EIF5B: variants seen among roughly 807,000 people sequenced by gnomAD.
EIF5B encodes eukaryotic translation initiation factor 5B.
EIF5B carries 47 observed loss-of-function variants against 147.5 expected under a neutral mutation model. The ratio of observed to expected loss-of-function variants is 0.32; its 90% CI spans 0.25 to 0.41. The LOEUF is 0.41. Ranked by LOEUF, EIF5B falls within the 10% of genes least tolerant of loss-of-function variation. EIF5B has a pLI of 1.00. For synonymous variants in EIF5B, 455 were observed against 456.2 expected, an observed-to-expected ratio of 1.00 and a Z score of 0.03; for missense variants, 1,064 against 1,413.2, an observed-to-expected ratio of 0.75 and a Z score of 3.96.
Position 99,382,086 on chromosome 2 carries a change from A to G in EIF5B, c.2062-73A>G, listed in dbSNP as rs1487884694. 6.7e-6 allele frequency: 9 copies of G among 1,338,782 alleles called. No individual in the cohort carries two copies. The East Asian group carries it at 2.1e-4, about 31-fold the overall frequency. The allele number at this position is 1,338,782 out of a possible 1,614,324, so 82.9% of individuals were successfully genotyped here. On this transcript the variant is annotated intron_variant, in intron 12 of 23. Transcript: ENST00000289371. ...AGTGATACTTTCAGAGTTTTATGGC[A>G]AAAGGATTGTTCTGTAAAGAAGCTT... is the stretch of plus-strand genomic sequence containing the variant.
intron 1 of EIF5B, among the ~76,000 whole-genome samples, chr2:99,346,616 T>TTTTTG (rs5832871): frequency 7.4e-6 from 1 of 135,378 alleles, no homozygotes; most frequent in African/African-American, 2.9e-5. Flanking sequence ...TTTTTTTTTT[T>TTTTTG]GAGAAGGTGT....
chr2:99,397,112 G>C lies in EIF5B; in HGVS notation c.3393+214G>C, dbSNP rs74719849. ...CAAGCAGAGCCTGTCACCTTCTGTT[G>C]TGCTTCAGTATTGGTAAATATCAGT... On this transcript the variant is annotated intron_variant, in intron 22 of 23. Coordinates refer to ENST00000289371, the MANE Select transcript of EIF5B (RefSeq NM_015904.4). 5.6e-3 allele frequency: 2,369 copies of C among 425,116 alleles called. 14 individuals carry two copies. The highest frequency in any genetic ancestry group is 8.2e-3 in the Non-Finnish European group (2,045 of 248,700). The allele number at this position is 425,116 out of a possible 1,614,324, so 26.3% of individuals were successfully genotyped here. A position where few individuals can be genotyped will look rare whatever the true frequency, so the allele number is the denominator to read the frequency against.
chr2:99,372,177 T>G (rs1248859867), intron 9 of EIF5B, among the ~76,000 whole-genome samples: 1 of 152,222 alleles, frequency 6.6e-6, no homozygotes, highest in African/African-American at 2.4e-5. Context: ...AACTTACTGA[T>G]AATGATATCT....
intron 13 of EIF5B, 94 bp from the exon 14 acceptor site, chr2:99,382,686 A>C: frequency 1.6e-6 from 2 of 1,250,640 alleles, no homozygotes; most frequent in Non-Finnish European, 1.1e-6. Context: ...CATATACTCT[A>C]TTTTGTTTGG....
At position 99,371,669 on chromosome 2, in the gene EIF5B, T is replaced by C. The variant is rs775616819; in HGVS notation, c.1491T>C (p.Asp497=). 6.2e-7 allele frequency: 1 copy of C among 1,612,574 alleles called. No individual in the cohort carries two copies. The highest frequency in any genetic ancestry group is 1.1e-5 in the South Asian group (1 of 90,654). The change falls in exon 9 of 24, where the codon GAT becomes GAC. Residue 497 remains aspartate, a synonymous_variant. Coordinates refer to ENST00000289371, the MANE Select transcript of EIF5B (RefSeq NM_015904.4). ...TTTTACTTACAGAAGAAGAAGAAGA[T>C]ACTGAGGATGCTGGATTGGATGATT... is the stretch of plus-strand genomic sequence containing the variant. ...PPPVEPEEEE[D]TEDAGLDDWE... is the part of the protein sequence containing the mutation.
At chr2:99,386,453 CTTTG>C (rs1443165841) in intron 14 of EIF5B, among the ~76,000 whole-genome samples, 1 of 136,832 alleles carries the variant, frequency 7.3e-6, no homozygotes, top group African/African-American at 2.8e-5. Flanking sequence ...TTTTCATTTT[CTTTG>C]TTTTGTTTTG....
chr2:99,384,536 C>T (rs984201286), intron 14 of EIF5B, among the ~76,000 whole-genome samples: 1 of 152,172 alleles, frequency 6.6e-6, no homozygotes, highest in African/African-American at 2.4e-5. Flanking sequence ...TGCCATAGAT[C>T]GAGATTCCTC....
intron 10 of EIF5B, among the ~76,000 whole-genome samples, chr2:99,377,616 C>G (rs1394587337): frequency 6.6e-6 from 1 of 152,028 alleles, no homozygotes. Flanking sequence ...ACTGTGCTTG[C>G]TGATTAACAA....
intron 1 of EIF5B, among the ~76,000 whole-genome samples, chr2:99,351,867 T>C (rs111229820): frequency 0.017 from 2,651 of 151,912 alleles, 89 homozygotes; most frequent in African/African-American, 0.06. Context: ...CCAGCTACTT[T>C]TTTTGTATTT....
At chr2:99,365,123 C>T (rs528912876) in intron 6 of EIF5B, among the ~76,000 whole-genome samples, 2 of 152,264 alleles carry the variant, frequency 1.3e-5, no homozygotes, top group African/African-American at 4.8e-5. Flanking sequence ...TTTCCTGCTC[C>T]TATATTCCCT....
intron 14 of EIF5B, among the ~76,000 whole-genome samples, chr2:99,385,585 TA>T (rs1463143662): frequency 6.6e-6 from 1 of 152,228 alleles, no homozygotes; most frequent in Non-Finnish European, 1.5e-5. Flanking sequence ...TTGCTTTTTT[TA>T]AGAAGATATA....
rs971825038 is a variant in EIF5B, at chr2:99,376,405, GGAAGAAGAGGAA to G, written c.1620_1631del (p.Glu540_Glu543del). The G allele has an allele frequency of 6.5e-7, 1 of 1,544,810 alleles. No homozygotes were observed. Among genetic ancestry groups the G allele is most frequent in the Non-Finnish European group, 8.9e-7 (1 of 1,124,168 alleles). ...AAAACCCTGAAGAGGAGGAGGAGGA[GGAAGAAGAGGAA>G]GAAGAAGATGAAGAAAGTGAAGAAG... On this transcript the variant is annotated inframe_deletion, in exon 10 of 24. Coordinates refer to ENST00000289371, the MANE Select transcript of EIF5B (RefSeq NM_015904.4).
chr2:99,341,119 T>C (rs962711265), intron 1 of EIF5B, among the ~76,000 whole-genome samples: 2 of 152,234 alleles, frequency 1.3e-5, no homozygotes, highest in African/African-American at 4.8e-5. Flanking sequence ...TCAGCAAGTT[T>C]TCCTGACCTT....
intron 1 of EIF5B, 93 bp downstream of exon 1, chr2:99,337,682 C>A: frequency 1.4e-6 from 2 of 1,453,806 alleles, no homozygotes; most frequent in East Asian, 2.4e-5. Context: ...GGGGTCTGGG[C>A]TCGCGATGAG....
At chr2:99,370,387 C>T (rs1382313756) in intron 8 of EIF5B, among the ~76,000 whole-genome samples, 1 of 152,146 alleles carries the variant, frequency 6.6e-6, no homozygotes, top group East Asian at 1.9e-4. Context: ...ATGGGAAAAG[C>T]CTTTACAGAA....
chr2:99,356,705 C>T lies in EIF5B; in HGVS notation c.36-3531C>T, dbSNP rs368391071. 3.3e-5 allele frequency among the ~76,000 whole-genome samples: 5 copies of T among 152,214 alleles called. No homozygotes were observed. The South Asian group carries it at 1.0e-3, about 32-fold the overall frequency. On this transcript the variant is annotated intron_variant, in intron 1 of 23. Transcript: ENST00000289371. ...ATCATTTCCTTACTTCCTACCATTA[C>T]ACAGTGCTCCAGGCTTGTTTTGTCT...
At chr2:99,393,977 T>C (rs1187105021) in intron 18 of EIF5B, among the ~76,000 whole-genome samples, 2 of 152,218 alleles carry the variant, frequency 1.3e-5, no homozygotes, top group African/African-American at 4.8e-5. Flanking sequence ...TTTTCTTCTC[T>C]ACTGTTTAAT....
chr2:99,359,368 C>CA (rs1267875287), intron 1 of EIF5B, among the ~76,000 whole-genome samples: 1 of 147,786 alleles, frequency 6.8e-6, no homozygotes, highest in African/African-American at 2.5e-5. Context: ...GAGTCCGTCT[C>CA]AAAAAAAGGA....
intron 1 of EIF5B, among the ~76,000 whole-genome samples, chr2:99,354,824 A>C (rs1674060300): frequency 9.9e-6 from 1 of 100,750 alleles, no homozygotes; most frequent in Non-Finnish European, 1.9e-5. Flanking sequence ...TTTTTTTGAG[A>C]CAGTGTTTCC....
Sources: allele counts gnomAD v4.1 joint callset (sites outside exome capture counted in the v4.1 genomes callset), GRCh38; gene constraint gnomAD v4.1.1; transcripts MANE v1.5; gene names NCBI Gene and HGNC (gene_info 2026-07-23, HGNC 2026-07-21).